ACAD8: variants seen among roughly 807,000 people sequenced by gnomAD.
The protein encoded by ACAD8 is acyl-CoA dehydrogenase family member 8.
ACAD8 carries 47 observed loss-of-function variants against 53.1 expected under a neutral mutation model. The ratio of observed to expected loss-of-function variants is 0.89; its 90% CI spans 0.70 to 1.13. ACAD8 has a LOEUF of 1.13. ACAD8 is among the 50% of genes most tolerant of loss of function. The probability of loss-of-function intolerance (pLI) is 0.00; values close to 1 mark genes in which losing one functional copy is unlikely to be tolerated. For missense variants in ACAD8, 494 were observed against 535.0 expected, an observed-to-expected ratio of 0.92 and a Z score of 0.76; for synonymous variants, 198 against 201.3, an observed-to-expected ratio of 0.98 and a Z score of 0.14.
In ACAD8 at chr11:134,264,939, T is replaced by C. The variant is rs1565378887; in HGVS notation, c.1227T>C (p.Ser409=). The C allele has an allele frequency of 6.2e-7, 1 of 1,614,154 alleles. No individual in the cohort carries two copies. ...GSNEVMRILI[S]RSLLQE ...ATGAAGTGATGAGGATACTGATCTC[T>C]AGAAGCCTGCTTCAGGAGTAGAACC... Residue 409 remains serine, a synonymous_variant, in exon 11 of 11, where the codon TCT becomes TCC. Transcript: ENST00000281182.
At chr11:134,263,741 A>T (rs1940036605) in intron 10 of ACAD8, 2 of 985,298 alleles carry the variant, frequency 2.0e-6, no homozygotes, top group African/African-American at 3.5e-5. Flanking sequence ...CCCTGCAATA[A>T]TAAGCAGGAA....
At chr11:134,263,569 TTTC>T in intron 10 of ACAD8, 3 of 985,486 alleles carry the variant, frequency 3.0e-6, no homozygotes, top group Non-Finnish European at 2.4e-6. Flanking sequence ...AGACCGCTGC[TTTC>T]TTCTGCAAAC....
intron 3 of ACAD8, chr11:134,258,047 T>C: frequency 8.8e-6 from 2 of 228,366 alleles, no homozygotes; most frequent in Non-Finnish European, 1.8e-5. Flanking sequence ...AGATGGGGTT[T>C]CACCATGTTA....
chr11:134,257,645 C>T (rs915421903), intron 3 of ACAD8: 25 of 313,804 alleles, frequency 8.0e-5, no homozygotes, highest in African/African-American at 4.8e-4. Flanking sequence ...GCACTCCAGC[C>T]TGGGCGACAG....
intron 9 of ACAD8, 32 bp from the exon 10 acceptor site, chr11:134,262,488 G>T: frequency 6.7e-7 from 1 of 1,494,418 alleles, no homozygotes; most frequent in Non-Finnish European, 9.3e-7. Flanking sequence ...TCTTCCCAGA[G>T]TCCAAGACGT....
At chr11:134,259,115 G>A in intron 5 of ACAD8, 31 bp downstream of exon 5, 1 of 1,600,488 alleles carries the variant, frequency 6.2e-7, no homozygotes, top group Non-Finnish European at 8.6e-7. Flanking sequence ...AGAGCACTTT[G>A]GAGATTGTTC....
rs1939947416 is a variant in ACAD8 at position 134,262,561 on chromosome 11, C to T, written c.1134C>T (p.Tyr378=). The change falls in exon 10 of 11, where the codon TAC becomes TAT. Residue 378 remains tyrosine, a synonymous_variant. Coordinates refer to ENST00000281182, the MANE Select transcript of ACAD8 (RefSeq NM_014384.3). ...QALQMHGGYG[Y]LKDYAVQQYV... ...TGCAGATGCACGGGGGCTACGGCTA[C>T]CTGAAGGATTACGCTGTTCAGCAGT... is the stretch of plus-strand genomic sequence containing the variant. 6.2e-7 allele frequency: 1 copy of T among 1,613,974 alleles called. No individual in the cohort carries two copies. The highest frequency in any genetic ancestry group is 1.3e-5 in the African/African-American group (1 of 74,910).
rs528284927 is a variant in ACAD8 at position 134,257,141 on chromosome 11, G to T, written c.264G>T (p.Gly88=). The change falls in exon 3 of 11, where the codon GGG becomes GGT. Residue 88 remains glycine, a synonymous_variant. Coordinates refer to ENST00000281182, the MANE Select transcript of ACAD8 (RefSeq NM_014384.3). Reference sequence around the variant, plus strand: ...AGGCAGCCCAGCTAGGCTTCGGAGGGGTCTACATACAAACAGATGTGGGCG... The same window carrying T: ...AGGCAGCCCAGCTAGGCTTCGGAGGTGTCTACATACAAACAGATGTGGGCG... ...MRKAAQLGFG[G]VYIQTDVGGS... 4 of 1,614,086 alleles carry T rather than the reference G, an allele frequency of 2.5e-6. No individual in the cohort carries two copies. In the South Asian group the frequency reaches 4.4e-5, roughly 18 times the overall value.
chr11:134,261,397 G>T lies in ACAD8; in HGVS notation c.939+25G>T. On this transcript the variant is annotated intron_variant, in intron 8 of 10. Coordinates refer to ENST00000281182, the MANE Select transcript of ACAD8 (RefSeq NM_014384.3). The surrounding 1 kb of genome is among the most constrained non-coding windows in gnomAD (Gnocchi z 4.2). ...GGTAACCTCTGCCTTGCCTCCACAT[G>T]GCTTTGCACTATTTGCAGCCCGGGA... is the stretch of plus-strand genomic sequence containing the variant. 1 of 1,612,202 alleles carries T rather than the reference G, an allele frequency of 6.2e-7. No individual in the cohort carries two copies. Among genetic ancestry groups the T allele is most frequent in the Non-Finnish European group, 8.5e-7 (1 of 1,178,256 alleles).
At position 134,259,077 on chromosome 11, in the gene ACAD8, G is replaced by A; in HGVS notation, c.560G>A (p.Gly187Asp). The part of the protein sequence containing the change: ...KKQGDHYILN[G>D]SKAFISGAGE... ...CAGGGAGATCATTACATCCTCAATGGCTCCAAGGTACTAGCGTGCGTCCTC... is the reference window on the plus strand; with the variant it reads ...CAGGGAGATCATTACATCCTCAATGACTCCAAGGTACTAGCGTGCGTCCTC... The change falls in exon 5 of 11, where the codon GGC becomes GAC. Residue 187 changes from glycine (G) to aspartate (D), a missense_variant. Physicochemically the swap from Gly to Asp is moderately conservative, Grantham distance 94 (BLOSUM62 -1). Transcript: ENST00000281182. 6.2e-7 allele frequency: 1 copy of A among 1,614,048 alleles called. No individual in the cohort carries two copies.
intron 3 of ACAD8, 89 bp from the exon 4 acceptor site, chr11:134,258,426 C>T (rs1226159214): frequency 1.2e-6 from 1 of 865,076 alleles, no homozygotes; most frequent in Non-Finnish European, 1.9e-6. Flanking sequence ...ACTGCCCTGC[C>T]CTTTGTTCTC....
rs143408080 is a variant in ACAD8 at position 134,258,542 on chromosome 11, C to A, written c.408C>A (p.Phe136Leu). 2 of 1,613,728 alleles carry A rather than the reference C, an allele frequency of 1.2e-6. No individual in the cohort carries two copies. The highest frequency in any genetic ancestry group is 1.7e-6 in the Non-Finnish European group (2 of 1,179,804). The stretch of plus-strand genomic sequence containing the variant: ...TGTGTGCCTGGATGATTGATAGCTT[C>A]GGAAATGAGGAACAGAGGCACAAAT... ...HNMCAWMIDS[F>L]GNEEQRHKFC... Residue 136 changes from phenylalanine (F) to leucine (L), a missense_variant, in exon 4 of 11, where the codon TTC (phenylalanine) becomes TTA (leucine). By Grantham distance (22) the Phe-to-Leu change is conservative (BLOSUM62 0). Coordinates refer to ENST00000281182, the MANE Select transcript of ACAD8 (RefSeq NM_014384.3).
Position 134,259,099 on chromosome 11 carries a change from C to T in ACAD8, c.567+15C>T. ...ATGGCTCCAAGGTACTAGCGTGCGT[C>T]CTCCCAGAGCACTTTGGAGATTGTT... On this transcript the variant is annotated intron_variant, in intron 5 of 10. Coordinates refer to ENST00000281182, the MANE Select transcript of ACAD8 (RefSeq NM_014384.3). 1 of 1,611,754 alleles carries T rather than the reference C, an allele frequency of 6.2e-7. No homozygotes were observed. Among genetic ancestry groups the T allele is most frequent in the South Asian group, 1.1e-5 (1 of 91,036 alleles).
Position 134,261,090 on chromosome 11 carries a change from G to A in ACAD8, c.752G>A (p.Cys251Tyr). 1 of 1,612,352 alleles carries A rather than the reference G, an allele frequency of 6.2e-7. No homozygotes were observed. Among genetic ancestry groups the A allele is most frequent in the Non-Finnish European group, 8.5e-7 (1 of 1,179,360 alleles). Residue 251 changes from cysteine to tyrosine, a missense_variant, in exon 7 of 11, where the codon TGT (cysteine) becomes TAT (tyrosine). Cys to Tyr is a radical substitution (Grantham distance 194, BLOSUM62 -2). Transcript: ENST00000281182. This position sits in a 1 kb window ranked among gnomAD's most constrained non-coding sequence, Gnocchi z 4.2. Reference protein sequence around the residue: ...QPTRAVIFEDCAVPVANRIGS... With the variant: ...QPTRAVIFEDYAVPVANRIGS... ...ACACGAGCTGTGATCTTCGAAGACT[G>A]TGCTGTCCCTGTGGCCAACAGAATT... is the stretch of plus-strand genomic sequence containing the variant.
intron 5 of ACAD8, chr11:134,259,289 C>T (rs188455703): frequency 1.4e-6 from 1 of 705,196 alleles, no homozygotes; most frequent in Admixed American, 2.1e-5. Context: ...TGACTTTTGT[C>T]TATCCTTTTT....
rs1043104465 is a variant in ACAD8 at position 134,253,584 on chromosome 11, G to A, written c.-17G>A. ...AAGGCGTTCAGACTCTTAGCTGAACGCGGAGCTGCGGCGGCTATGCTGTGG... is the reference window on the plus strand; with the variant it reads ...AAGGCGTTCAGACTCTTAGCTGAACACGGAGCTGCGGCGGCTATGCTGTGG... On this transcript the variant is annotated 5_prime_UTR_variant, in exon 1 of 11. Transcript: ENST00000281182. 10 of 1,567,954 alleles carry A rather than the reference G, an allele frequency of 6.4e-6. No homozygotes were observed. The African/African-American group carries it at 8.1e-5, about 13-fold the overall frequency.
chr11:134,264,449 C>T (rs1187314186), intron 10 of ACAD8, among the ~76,000 whole-genome samples: 2 of 151,788 alleles, frequency 1.3e-5, no homozygotes, highest in African/African-American at 2.4e-5. Context: ...ACCTGGGGGG[C>T]GGAGGTTGCA....
At chr11:134,255,051 G>A (rs1160099903) in intron 1 of ACAD8, among the ~76,000 whole-genome samples, 1 of 152,240 alleles carries the variant, frequency 6.6e-6, no homozygotes, top group Non-Finnish European at 1.5e-5. Context: ...GTTTTAGGAA[G>A]TAGCCATTTA....
At chr11:134,263,644 C>T in intron 10 of ACAD8, 3 of 985,446 alleles carry the variant, frequency 3.0e-6, no homozygotes, top group Non-Finnish European at 3.6e-6. Flanking sequence ...TCCCGAGAGT[C>T]GTTTTCCTTC....
Sources: gnomAD v4.1 joint callset for allele counts (sites outside exome capture counted in the v4.1 genomes callset) on GRCh38, gnomAD v4.1.1 for gene constraint, Gnocchi (gnomAD v3.1) non-coding constraint, MANE v1.5 for transcripts, NCBI Gene and HGNC (gene_info 2026-07-23, HGNC 2026-07-21) for gene names.